Variants in LPAR1 observed in about 807,000 individuals in gnomAD.
LPAR1 encodes LPA receptor 1.
In LPAR1, 5 loss-of-function variants were observed where a neutral mutation model predicts 23.8. The ratio of observed to expected loss-of-function variants is 0.21; its 90% CI spans 0.11 to 0.44. LPAR1 has a LOEUF of 0.44. Among genes scored for constraint, LPAR1 ranks in the 20% least tolerant of loss-of-function variants. The pLI, the probability that LPAR1 is intolerant of heterozygous loss-of-function variation, is 0.99. For synonymous variants in LPAR1, 160 were observed against 164.7 expected (o/e 0.97, Z 0.22); for missense variants, 311 against 482.8 (o/e 0.64, Z 3.33).
chr9:110,893,758 C>T (rs898967923), intron 5 of LPAR1, among the ~76,000 whole-genome samples: 15 of 152,160 alleles, frequency 9.9e-5, no homozygotes, highest in Admixed American at 8.5e-4. Context: ...TGCTCTCATC[C>T]AGGGCAAGTG....
intron 5 of LPAR1, among the ~76,000 whole-genome samples, chr9:110,879,235 C>T (rs186092393): frequency 9.4e-4 from 142 of 151,762 alleles, no homozygotes; most frequent in Non-Finnish European, 1.5e-3. Flanking sequence ...TGGCCAACAA[C>T]GGTGAAACCG....
chr9:110,878,649 G>A (rs754444069), intron 5 of LPAR1, among the ~76,000 whole-genome samples: 1 of 152,064 alleles, frequency 6.6e-6, no homozygotes, highest in Non-Finnish European at 1.5e-5. Flanking sequence ...AGAAATAATA[G>A]CTCCCTGCCT....
chr9:110,874,535 G>A lies in LPAR1; in HGVS notation c.*886C>T, dbSNP rs1223922567. 1.3e-5 allele frequency: 2 copies of A among 152,616 alleles called. No individual in the cohort carries two copies. The highest frequency in any genetic ancestry group is 2.9e-5 in the Non-Finnish European group (2 of 67,992). The allele number at this position is 152,616 out of a possible 1,614,324, so 9.5% of individuals were successfully genotyped here. A position where few individuals can be genotyped will look rare whatever the true frequency, so the allele number is the denominator to read the frequency against. ...CTGCATTTTTCAAGTTTTCTATGAT[G>A]AGTATATTATTTTACAAAGACTACG... On this transcript the variant is annotated 3_prime_UTR_variant, in exon 6 of 6. Transcript: ENST00000683809.
chr9:110,970,337 G>A (rs1052874458), intron 4 of LPAR1, among the ~76,000 whole-genome samples: 3 of 152,082 alleles, frequency 2.0e-5, no homozygotes, highest in Non-Finnish European at 4.4e-5. Context: ...CAGGTAACAG[G>A]CACTAAATCT....
chr9:110,997,612 CAG>C (rs1430510748), intron 2 of LPAR1, among the ~76,000 whole-genome samples: 4 of 152,088 alleles, frequency 2.6e-5, no homozygotes, highest in Non-Finnish European at 5.9e-5. Context: ...AGACTTTTAA[CAG>C]AGTTTTTTAT....
rs530308530 is a variant in LPAR1, at chr9:111,029,462, C to T, written c.-182+6660G>A. Among the ~76,000 whole-genome samples the T allele has an allele frequency of 5.3e-5, 8 of 152,146 alleles. No homozygotes were observed. The South Asian group carries it at 1.0e-3, about 20-fold the overall frequency. ...GGTCCCACCACTTCCTGCCACAAAC[C>T]GTCAATTTCAGGCACTCCTCCCCAA... On this transcript the variant is annotated intron_variant, in intron 2 of 5. Transcript: ENST00000683809.
intron 4 of LPAR1, among the ~76,000 whole-genome samples, chr9:110,971,440 C>T (rs1199796514): frequency 6.6e-6 from 1 of 152,068 alleles, no homozygotes; most frequent in Admixed American, 6.5e-5. Flanking sequence ...CACATTGTAC[C>T]CTGCTGCCTG....
At chr9:110,951,867 G>C (rs910627410) in intron 4 of LPAR1, among the ~76,000 whole-genome samples, 4 of 152,134 alleles carry the variant, frequency 2.6e-5, no homozygotes, top group African/African-American at 9.7e-5. Flanking sequence ...ATCAACTGGT[G>C]AAGGAATAAA....
intron 2 of LPAR1, among the ~76,000 whole-genome samples, chr9:110,985,390 G>C (rs2096758146): frequency 6.7e-6 from 1 of 149,618 alleles, no homozygotes; most frequent in Non-Finnish European, 1.5e-5. Context: ...TTTTCAATTA[G>C]ATCTTTTATT....
chr9:111,014,367 T>C (rs993770798), intron 2 of LPAR1, among the ~76,000 whole-genome samples: 8 of 152,098 alleles, frequency 5.3e-5, no homozygotes, highest in African/African-American at 1.9e-4. Context: ...TTAAATCCCC[T>C]AAAGGAACTC....
intron 5 of LPAR1, among the ~76,000 whole-genome samples, chr9:110,891,158 T>C (rs998002530): frequency 2.6e-5 from 4 of 152,310 alleles, no homozygotes; most frequent in East Asian, 3.9e-4. Flanking sequence ...AAATACCTGA[T>C]AACTATTCAA....
intron 2 of LPAR1, among the ~76,000 whole-genome samples, chr9:111,004,667 AG>A (rs2097183079): frequency 6.6e-6 from 1 of 152,148 alleles, no homozygotes; most frequent in South Asian, 2.1e-4. Context: ...GCTTCTTTGC[AG>A]GATCCTCTTC....
chr9:110,903,192 TG>T (rs1414601388), intron 5 of LPAR1: 1 of 152,030 alleles, frequency 6.6e-6, no homozygotes, highest in Non-Finnish European at 1.5e-5. Context: ...AACCCAGAGA[TG>T]AAACAGAAGA....
chr9:110,876,496 C>T (rs2079116821), intron 5 of LPAR1, among the ~76,000 whole-genome samples: 1 of 152,134 alleles, frequency 6.6e-6, no homozygotes, highest in African/African-American at 2.4e-5. Context: ...GACATAGAAA[C>T]TAATATCCCC....
At chr9:110,893,774 A>C (rs2085332855) in intron 5 of LPAR1, among the ~76,000 whole-genome samples, 1 of 152,184 alleles carries the variant, frequency 6.6e-6, no homozygotes, top group Admixed American at 6.5e-5. Flanking sequence ...AAGTGTTTGT[A>C]ACCAAAAGTG....
chr9:111,036,978 A>C (rs2097907883), intron 1 of LPAR1, among the ~76,000 whole-genome samples: 1 of 152,156 alleles, frequency 6.6e-6, no homozygotes, highest in Non-Finnish European at 1.5e-5. Context: ...CCATACCTCT[A>C]AAATACACCC....
chr9:110,918,613 A>T (rs1377518192), intron 5 of LPAR1, among the ~76,000 whole-genome samples: 2 of 152,190 alleles, frequency 1.3e-5, no homozygotes, highest in Non-Finnish European at 2.9e-5. Flanking sequence ...TTAGAGATGC[A>T]GCATTTCAAA....
rs1447016712 is a variant in LPAR1 at position 110,941,678 on chromosome 9, C to T, written c.536G>A (p.Gly179Asp). 1 of 1,614,198 alleles carries T rather than the reference C, an allele frequency of 6.2e-7. No individual in the cohort carries two copies. The highest frequency in any genetic ancestry group is 1.3e-5 in the African/African-American group (1 of 75,052). Reference sequence around the variant, plus strand: ...GTTCCAGCCCACACTGGGTATAGCACCCATAACGATGGCCATAGTCCAGAT... The same window carrying T: ...GTTCCAGCCCACACTGGGTATAGCATCCATAACGATGGCCATAGTCCAGAT... ...VVIWTMAIVM[G>D]AIPSVGWNCI... The change falls in exon 5 of 6, where the codon GGT (glycine) becomes GAT (aspartate). Residue 179 changes from glycine to aspartate, a missense_variant. By Grantham distance (94) the Gly-to-Asp change is moderately conservative. Coordinates refer to ENST00000683809, the MANE Select transcript of LPAR1 (RefSeq NM_001351411.2). This position sits in a 1 kb window ranked among gnomAD's most constrained non-coding sequence, Gnocchi z 6.1.
chr9:110,977,899 GGAAGGAAGGAAA>G (rs2096593235), intron 2 of LPAR1, among the ~76,000 whole-genome samples: 3 of 130,882 alleles, frequency 2.3e-5, no homozygotes, highest in African/African-American at 5.7e-5. Context: ...AAGGAAGGAA[GGAAGGAAGGAAA>G]GAAGGAAAGA....
Sources: gnomAD v4.1 joint callset for allele counts (sites outside exome capture counted in the v4.1 genomes callset) on GRCh38, gnomAD v4.1.1 for gene constraint, Gnocchi (gnomAD v3.1) non-coding constraint, MANE v1.5 for transcripts, NCBI Gene and HGNC (gene_info 2026-07-23, HGNC 2026-07-21) for gene names.